SPOP: variants seen among roughly 807,000 people sequenced by gnomAD.
SPOP encodes the protein speckle type BTB/POZ protein, also known as speckle-type POZ protein.
SPOP carries 11 observed loss-of-function variants against 45.6 expected under a neutral mutation model. That is an observed-to-expected ratio of 0.24 (90% confidence interval 0.15 to 0.40). The LOEUF is 0.40. SPOP is among the 10% of genes least tolerant of loss of function. SPOP has a pLI of 1.00. For missense variants in SPOP, 152 were observed against 465.6 expected, an observed-to-expected ratio of 0.33 and a Z score of 6.20; for synonymous variants, 166 against 166.3, an observed-to-expected ratio of 1.00 and a Z score of 0.01.
intron 7 of SPOP, 85 bp downstream of exon 7, chr17:49,607,789 A>G (rs2071882778): frequency 7.6e-7 from 1 of 1,320,978 alleles, no homozygotes; most frequent in Non-Finnish European, 1.1e-6. Context: ...AAAAGTAATT[A>G]GGAAAATGAA....
At chr17:49,663,109 C>T (rs551438663) in intron 1 of SPOP, among the ~76,000 whole-genome samples, 2 of 152,206 alleles carry the variant, frequency 1.3e-5, no homozygotes, top group Non-Finnish European at 2.9e-5. Flanking sequence ...CAGACCTTAC[C>T]GACCCATGGC....
chr17:49,619,933 C>T lies in SPOP; in HGVS notation c.201-548G>A, dbSNP rs1384423215. ...CAGCACTTTGGGAGGCCAAAGCGGG[C>T]GCATCACTTGAGGTCAGGACTTCGA... On this transcript the variant is annotated intron_variant, in intron 3 of 9. Coordinates refer to ENST00000504102, the MANE Select transcript of SPOP (RefSeq NM_001007228.2). This position sits in a 1 kb window ranked among gnomAD's most constrained non-coding sequence, Gnocchi z 4.9. 8.6e-5 allele frequency among the ~76,000 whole-genome samples: 13 copies of T among 151,956 alleles called. No homozygotes were observed. Among genetic ancestry groups the T allele is most frequent in the South Asian group, 2.1e-4 (1 of 4,816 alleles).
chr17:49,664,192 C>A (rs914200139), intron 1 of SPOP, among the ~76,000 whole-genome samples: 1 of 152,160 alleles, frequency 6.6e-6, no homozygotes, highest in Non-Finnish European at 1.5e-5. Context: ...GGTGTAGTAT[C>A]AGAGAAGAAT....
intron 1 of SPOP, among the ~76,000 whole-genome samples, chr17:49,650,121 C>A (rs188735960): frequency 6.6e-6 from 1 of 151,942 alleles, no homozygotes; most frequent in African/African-American, 2.4e-5. Flanking sequence ...GAACTCCCAA[C>A]CTCAGGTGAT....
rs142282988 is a variant in SPOP at position 49,640,040 on chromosome 17, A to G, written c.-66-17164T>C. ...TGAGGAGGGAGGATCACTTGAGATC[A>G]GGAGTTCAAGACCAGCCTGGCCAAC... On this transcript the variant is annotated intron_variant, in intron 1 of 9. Transcript: ENST00000504102. Among the ~76,000 whole-genome samples, 245 of 152,342 alleles carry G rather than the reference A, an allele frequency of 1.6e-3. 1 individual carries two copies. The highest frequency in any genetic ancestry group is 5.8e-3 in the African/African-American group (242 of 41,586).
intron 1 of SPOP, among the ~76,000 whole-genome samples, chr17:49,643,037 A>C (rs977856728): frequency 6.6e-6 from 1 of 152,252 alleles, no homozygotes; most frequent in Non-Finnish European, 1.5e-5. Flanking sequence ...CATCTGATAT[A>C]CTAGTTCTAT....
At chr17:49,666,767 G>A (rs2073064999) in intron 1 of SPOP, among the ~76,000 whole-genome samples, 1 of 152,090 alleles carries the variant, frequency 6.6e-6, no homozygotes, top group African/African-American at 2.4e-5. Flanking sequence ...GGCAGAGGTG[G>A]CAGTGAGCCA....
intron 5 of SPOP, among the ~76,000 whole-genome samples, chr17:49,615,882 G>A (rs902517910): frequency 6.6e-6 from 1 of 152,246 alleles, no homozygotes; most frequent in Middle Eastern, 3.4e-3. Flanking sequence ...CCTGGGCACT[G>A]CTTCTCTCCC....
chr17:49,665,430 T>C (rs1025282424), intron 1 of SPOP, among the ~76,000 whole-genome samples: 4 of 151,250 alleles, frequency 2.6e-5, no homozygotes, highest in South Asian at 2.1e-4. Flanking sequence ...CTGGCTAACA[T>C]AGTGAAACCC....
intron 5 of SPOP, among the ~76,000 whole-genome samples, chr17:49,613,378 T>C (rs1230477531): frequency 6.6e-6 from 1 of 152,194 alleles, no homozygotes; most frequent in Non-Finnish European, 1.5e-5. Context: ...AGAATGCTTT[T>C]GGCACTGGGT....
rs1057230178 is a variant in SPOP, at chr17:49,626,509, A to G, written c.-66-3633T>C. The stretch of plus-strand genomic sequence containing the variant: ...CAGGAGTTCGAGATCAGCCTGGCCA[A>G]CATGGCGAAACCCCATCTCTACTAA... On this transcript the variant is annotated intron_variant, in intron 1 of 9. Coordinates refer to ENST00000504102, the MANE Select transcript of SPOP (RefSeq NM_001007228.2). Among the ~76,000 whole-genome samples the G allele has an allele frequency of 2.6e-5, 4 of 152,138 alleles. No homozygotes were observed. In the East Asian group the frequency reaches 7.7e-4, roughly 29 times the overall value.
At chr17:49,611,811 T>C (rs757303910) in intron 5 of SPOP, among the ~76,000 whole-genome samples, 2 of 151,974 alleles carry the variant, frequency 1.3e-5, no homozygotes, top group African/African-American at 2.4e-5. Context: ...TACCTTATTC[T>C]GCCTTAAGTT....
intron 5 of SPOP, among the ~76,000 whole-genome samples, chr17:49,611,724 C>G (rs185454875): frequency 6.6e-6 from 1 of 152,114 alleles, no homozygotes; most frequent in African/African-American, 2.4e-5. Context: ...TAAGCTTCAC[C>G]TCCCTTGGAC....
At chr17:49,656,021 AG>A (rs1466543403) in intron 1 of SPOP, among the ~76,000 whole-genome samples, 1 of 152,144 alleles carries the variant, frequency 6.6e-6, no homozygotes, top group Non-Finnish European at 1.5e-5. Flanking sequence ...CATGTTGGTC[AG>A]GCTGGTCTCG....
At chr17:49,616,596 G>A (rs2072091325) in intron 5 of SPOP, among the ~76,000 whole-genome samples, 1 of 152,200 alleles carries the variant, frequency 6.6e-6, no homozygotes, top group Admixed American at 6.5e-5. Context: ...TAAGAACTTA[G>A]ATGAGCTGCA....
At chr17:49,640,989 G>A (rs1325288814) in intron 1 of SPOP, among the ~76,000 whole-genome samples, 5 of 152,056 alleles carry the variant, frequency 3.3e-5, no homozygotes, top group South Asian at 4.1e-4. Context: ...CTGGCTGAGC[G>A]TGGTGGCTCA....
At chr17:49,626,732 A>G (rs1157297206) in intron 1 of SPOP, among the ~76,000 whole-genome samples, 1 of 152,182 alleles carries the variant, frequency 6.6e-6, no homozygotes, top group African/African-American at 2.4e-5. Context: ...CAACTCACAA[A>G]TATTCACTGA....
At chr17:49,621,558 G>T (rs748570597) in intron 3 of SPOP, among the ~76,000 whole-genome samples, 5 of 152,162 alleles carry the variant, frequency 3.3e-5, no homozygotes, top group Non-Finnish European at 7.3e-5. Flanking sequence ...AGAAAATCTG[G>T]CAAGGGTCAG....
At chr17:49,603,534 C>G (rs1452629653) in intron 8 of SPOP, among the ~76,000 whole-genome samples, 1 of 152,168 alleles carries the variant, frequency 6.6e-6, no homozygotes, top group Non-Finnish European at 1.5e-5. Context: ...ATTGTGTCTC[C>G]CAGGCCTAGC....
Sources: gnomAD v4.1 joint callset for allele counts (sites outside exome capture counted in the v4.1 genomes callset) on GRCh38, gnomAD v4.1.1 for gene constraint, Gnocchi (gnomAD v3.1) non-coding constraint, MANE v1.5 for transcripts, NCBI Gene and HGNC (gene_info 2026-07-23, HGNC 2026-07-21) for gene names.